The following OTOG variants were observed in gnomAD, a reference collection of about 807,000 sequenced individuals.
The protein encoded by OTOG is otogelin.
Under a neutral mutation model 313.8 loss-of-function variants are expected in OTOG, and 296 were observed. The ratio of observed to expected loss-of-function variants is 0.94; its 90% CI spans 0.86 to 1.04. OTOG has a LOEUF of 1.04. OTOG is among the 50% of genes least tolerant of loss of function. The probability of loss-of-function intolerance (pLI) is 0.00; values close to 1 mark genes in which losing one functional copy is unlikely to be tolerated. For missense variants in OTOG, 3,948 were observed against 3,840.1 expected (o/e 1.03, Z -0.74); for synonymous variants, 1,533 against 1,554.9 (o/e 0.99, Z 0.33).
chr11:17,550,454 G>T (rs548384067), intron 3 of OTOG, among the ~76,000 whole-genome samples: 6 of 152,192 alleles, frequency 3.9e-5, no homozygotes, highest in Non-Finnish European at 4.4e-5. Context: ...TATCTAAGGG[G>T]TTCGTGGCAT....
intron 47 of OTOG, among the ~76,000 whole-genome samples, chr11:17,636,675 T>G (rs1289654099): frequency 1.3e-5 from 2 of 152,056 alleles, no homozygotes; most frequent in Non-Finnish European, 2.9e-5. Flanking sequence ...CTCCTTCTCT[T>G]CTGTCTTTCT....
intron 45 of OTOG, 40 bp from the exon 46 acceptor site, chr11:17,635,040 A>T: frequency 6.5e-7 from 1 of 1,538,178 alleles, no homozygotes; most frequent in Non-Finnish European, 8.8e-7. Context: ...GTGGCCAGGC[A>T]GGTTCCTCTC....
rs1348230742 is a variant in OTOG, at chr11:17,610,602, G to C, written c.5302G>C (p.Glu1768Gln). The change falls in exon 36 of 56, where the codon GAG becomes CAG. Residue 1768 changes from glutamate (E) to glutamine (Q), a missense_variant. Physicochemically the swap from Glu to Gln is conservative, Grantham distance 29. Coordinates refer to ENST00000399397, the MANE Select transcript of OTOG (RefSeq NM_001292063.2). ...CACCAGGTCTCCAGCTCTGCCCCCAGAGACCCCAGCTGCCGCCAGCCTGTC... is the reference window on the plus strand; with the variant it reads ...CACCAGGTCTCCAGCTCTGCCCCCACAGACCCCAGCTGCCGCCAGCCTGTC... ...MATRSPALPP[E>Q]TPAAASLSTA... The C allele has an allele frequency of 7.7e-6, 12 of 1,550,392 alleles. No individual in the cohort carries two copies. Among genetic ancestry groups the C allele is most frequent in the Non-Finnish European group, 1.7e-6 (2 of 1,146,956 alleles).
At position 17,557,129 on chromosome 11, in the gene OTOG, C is replaced by T. The variant is rs1170337961; in HGVS notation, c.671C>T (p.Pro224Leu). ...VTHGGMRVQL[P>L]HVMGSARLQQ... ...GATGTGCCCTGCAGGGTCCAACTGC[C>T]ACATGTCATGGGGAGCGCGCGTCTG... The change falls in exon 8 of 56, where the codon CCA becomes CTA. Residue 224 changes from proline to leucine, a missense_variant. Transcript: ENST00000399397. The T allele has an allele frequency of 2.6e-6, 4 of 1,550,180 alleles. No individual in the cohort carries two copies. The highest frequency in any genetic ancestry group is 2.6e-6 in the Non-Finnish European group (3 of 1,146,990).
intron 26 of OTOG, 45 bp from the exon 27 acceptor site, chr11:17,593,565 C>T (rs763130661): frequency 7.1e-6 from 11 of 1,541,836 alleles, no homozygotes; most frequent in Non-Finnish European, 9.6e-6. Context: ...GACCTGGGCG[C>T]TAGGGGGCAC....
At chr11:17,578,098 A>G (rs1406295045) in intron 22 of OTOG, among the ~76,000 whole-genome samples, 2 of 152,164 alleles carry the variant, frequency 1.3e-5, no homozygotes, top group Non-Finnish European at 2.9e-5. Flanking sequence ...GCAGGATTCA[A>G]TATGATGATG....
intron 18 of OTOG, among the ~76,000 whole-genome samples, chr11:17,572,765 A>G (rs1199398440): frequency 6.6e-6 from 1 of 152,132 alleles, no homozygotes; most frequent in East Asian, 1.9e-4. Context: ...TCATACACCC[A>G]TGCTGCTTCT....
chr11:17,607,135 G>A (rs1183902380), intron 33 of OTOG, among the ~76,000 whole-genome samples: 1 of 152,254 alleles, frequency 6.6e-6, no homozygotes. Context: ...GTGCTGTGAG[G>A]ACTGGCTGTG....
chr11:17,578,648 G>A, intron 23 of OTOG, 122 bp downstream of exon 23: 1 of 1,250,540 alleles, frequency 8.0e-7, no homozygotes, highest in Non-Finnish European at 1.1e-6. Context: ...GCCCAGGCTG[G>A]CCAGCCACAG....
At chr11:17,602,119 C>A in intron 31 of OTOG, 91 bp from the exon 32 acceptor site, 2 of 1,439,940 alleles carry the variant, frequency 1.4e-6, no homozygotes, top group Non-Finnish European at 1.9e-6. Context: ...AGCTTGCCCT[C>A]CCACCCCACT....
chr11:17,629,066 A>AGATG (rs1325047905), intron 39 of OTOG, 67 bp from the exon 40 acceptor site: 12 of 1,409,920 alleles, frequency 8.5e-6, no homozygotes, highest in South Asian at 5.4e-5. Context: ...ATGGACGGAC[A>AGATG]GATGGATGGA....
intron 15 of OTOG, 67 bp from the exon 16 acceptor site, chr11:17,569,089 A>G: frequency 6.5e-7 from 1 of 1,529,852 alleles, no homozygotes; most frequent in Non-Finnish European, 8.8e-7. Flanking sequence ...CTGTCCCTAG[A>G]GGGCTCTGTT....
rs76467342 is a variant in OTOG at position 17,559,680 on chromosome 11, G to A, written c.1342+18G>A. 4,585 of 1,548,118 alleles carry A rather than the reference G, an allele frequency of 3.0e-3. 120 individuals are homozygous for A. In the African/African-American group the frequency reaches 0.055, roughly 19 times the overall value. On this transcript the variant is annotated intron_variant, in intron 12 of 55. Transcript: ENST00000399397. ...CCCCAATGGTATGCTAGGGGCAGAC[G>A]TAGGTGCCTGGCACCATCTTCCTGG...
chr11:17,547,269 G>A lies in OTOG; in HGVS notation c.-104G>A. 1.0e-6 allele frequency: 1 copy of A among 979,632 alleles called. No homozygotes were observed. The highest frequency in any genetic ancestry group is 1.3e-6 in the Non-Finnish European group (1 of 748,658). 60.7% of individuals were successfully genotyped at this position (979,632 alleles called of 1,614,324 possible). The stretch of plus-strand genomic sequence containing the variant: ...AGGGAGCCCTGGGGCATGAGAACAA[G>A]AGGGACCTCGGCTGCGGAGTGGAGG... On this transcript the variant is annotated 5_prime_UTR_variant, in exon 1 of 56. Transcript: ENST00000399397.
chr11:17,621,622 C>T lies in OTOG; in HGVS notation c.6529-7511C>T, dbSNP rs181664323. Among the ~76,000 whole-genome samples, 164 of 152,270 alleles carry T rather than the reference C, an allele frequency of 1.1e-3. 1 individual carries two copies. Among genetic ancestry groups the T allele is most frequent in the African/African-American group, 3.9e-3 (160 of 41,556 alleles). The stretch of plus-strand genomic sequence containing the variant: ...TCTCTCTCTCTCTCTCTCTGTCTGC[C>T]ATGCAAACTCTAGCTACCTTGGCCT... On this transcript the variant is annotated intron_variant, in intron 39 of 55. Transcript: ENST00000399397.
At chr11:17,591,642 C>A in intron 25 of OTOG, 54 bp downstream of exon 25, 1 of 1,538,800 alleles carries the variant, frequency 6.5e-7, no homozygotes, top group South Asian at 1.2e-5. Flanking sequence ...TGTCAGGGCA[C>A]TCTGGTGCTC....
At chr11:17,553,236 C>T (rs1851982521) in intron 5 of OTOG, 25 bp downstream of exon 5, 3 of 1,548,982 alleles carry the variant, frequency 1.9e-6, no homozygotes, top group Non-Finnish European at 2.6e-6. Flanking sequence ...CACCCCACCC[C>T]CAGGAAGGGA....
intron 49 of OTOG, 40 bp downstream of exon 49, chr11:17,639,503 C>T: frequency 1.3e-6 from 2 of 1,543,212 alleles, no homozygotes; most frequent in South Asian, 2.4e-5. Flanking sequence ...CTGGTCTGCT[C>T]CCCTTTCCTT....
chr11:17,606,105 T>C lies in OTOG; in HGVS notation c.4126T>C (p.Phe1376Leu), dbSNP rs1347034402. The change falls in exon 33 of 56, where the codon TTC becomes CTC. Residue 1376 changes from phenylalanine (F) to leucine (L), a missense_variant. By Grantham distance (22) the Phe-to-Leu change is conservative. Transcript: ENST00000399397. ...ALRLYEHTEV[F>L]RRGTLFRLLD... ...GCGGCTGTACGAACACACAGAGGTG[T>C]TCCGCCGGGGCACACTCTTCCGCCT... is the stretch of plus-strand genomic sequence containing the variant. 3 of 1,545,740 alleles carry C rather than the reference T, an allele frequency of 1.9e-6. No individual in the cohort carries two copies. The Admixed American group carries it at 5.9e-5, about 30-fold the overall frequency.
Sources: allele counts gnomAD v4.1 joint callset (sites outside exome capture counted in the v4.1 genomes callset), GRCh38; gene constraint gnomAD v4.1.1; transcripts MANE v1.5; gene names NCBI Gene and HGNC (gene_info 2026-07-23, HGNC 2026-07-21).